Variants in TMEM255A observed in about 807,000 individuals in gnomAD.
TMEM255A encodes the protein transmembrane protein 255A.
TMEM255A carries 14 observed loss-of-function variants against 23.5 expected under a neutral mutation model. The observed-to-expected ratio is 0.60, with a 90% CI of 0.39 to 0.93. The LOEUF is 0.93. Among genes scored for constraint, TMEM255A ranks in the 40% least tolerant of loss-of-function variants. The pLI, the probability that TMEM255A is intolerant of heterozygous loss-of-function variation, is 0.00. For missense variants in TMEM255A, 233 were observed against 261.7 expected (o/e 0.89, Z 0.76); for synonymous variants, 104 against 100.3 (o/e 1.04, Z -0.22).
intron 8 of TMEM255A, among the ~76,000 whole-genome samples, chrX:120,262,787 A>C (rs2057688914): frequency 8.9e-6 from 1 of 111,792 alleles, no homozygotes; most frequent in African/African-American, 3.3e-5. Context: ...CCCACTACAG[A>C]GATGACATGA....
intron 7 of TMEM255A, among the ~76,000 whole-genome samples, chrX:120,275,466 T>G (rs2057790381): frequency 9.0e-6 from 1 of 111,680 alleles, no homozygotes; most frequent in African/African-American, 3.3e-5. Flanking sequence ...TTTCCAACAT[T>G]CATCCTTTTG....
downstream of TMEM255A, chrX:120,253,690 G>A (rs144355341): frequency 5.0e-6 from 6 of 1,210,192 alleles, no homozygotes; most frequent in African/African-American, 1.7e-5. Flanking sequence ...AAAATTGTTC[G>A]TGTTAGATCA....
At chrX:120,274,790 G>A (rs1404352541) in intron 7 of TMEM255A, among the ~76,000 whole-genome samples, 3 of 111,953 alleles carry the variant, frequency 2.7e-5, no homozygotes, top group East Asian at 5.6e-4. Flanking sequence ...ATAAAACATG[G>A]TGGCAGTTTC....
intron 6 of TMEM255A, among the ~76,000 whole-genome samples, chrX:120,277,935 GC>G (rs1556020152): frequency 8.9e-6 from 1 of 111,912 alleles, no homozygotes; most frequent in Non-Finnish European, 1.9e-5. Flanking sequence ...ATGTGTTAAA[GC>G]CCTATCCCCC....
At chrX:120,254,470 A>G (rs782083562), downstream of TMEM255A, 13 of 1,209,918 alleles carry the variant, frequency 1.1e-5, no homozygotes, top group Middle Eastern at 2.3e-4. Context: ...GCCGTCAGTA[A>G]TACATCTTTG....
rs782375563 is a variant in TMEM255A, at chrX:120,260,933, T to A, written c.915A>T (p.Ala305=). The A allele has an allele frequency of 1.3e-5, 15 of 1,197,879 alleles. No homozygotes were observed. The change falls in exon 9 of 9, where the codon GCA becomes GCT. Residue 305 remains alanine, a synonymous_variant. Transcript: ENST00000371369. The part of the protein sequence containing the change: ...PSPSYMWSSS[A]PPRYSPPYYP... The stretch of plus-strand genomic sequence containing the variant: ...AGTAGGGTGGAGAGTAACGGGGCGG[T>A]GCACTTGAGGACCACATGTAGCTGG...
downstream of TMEM255A, chrX:120,253,941 G>T: frequency 8.3e-7 from 1 of 1,205,599 alleles, no homozygotes; most frequent in Non-Finnish European, 1.1e-6. Context: ...ATTATCTGCC[G>T]AAGATTATGA....
intron 7 of TMEM255A, among the ~76,000 whole-genome samples, chrX:120,276,611 G>A (rs1449527565): frequency 8.1e-5 from 9 of 111,565 alleles, no homozygotes; most frequent in African/African-American, 2.9e-4. Context: ...CAGTGCGAAT[G>A]GGGGAACTGA....
At chrX:120,271,183 A>G (rs2057757933) in intron 7 of TMEM255A, among the ~76,000 whole-genome samples, 2 of 112,217 alleles carry the variant, frequency 1.8e-5, no homozygotes, top group African/African-American at 6.5e-5. Context: ...TAATTTTTTA[A>G]TTAAATCAAC....
At chrX:120,278,862 AG>A (rs1569335233) in intron 6 of TMEM255A, among the ~76,000 whole-genome samples, 1 of 112,411 alleles carries the variant, frequency 8.9e-6, no homozygotes, top group Non-Finnish European at 1.9e-5. Flanking sequence ...GTGTGGTTAC[AG>A]GGCAGACTGC....
chrX:120,303,116 T>C (rs1410735839), intron 2 of TMEM255A, among the ~76,000 whole-genome samples: 1 of 111,646 alleles, frequency 9.0e-6, no homozygotes, highest in Non-Finnish European at 1.9e-5. Flanking sequence ...GCAGTGTACG[T>C]AGACTCAAAT....
chrX:120,253,356 A>C, the TMEM255A span: 40 of 1,006,512 alleles, frequency 4.0e-5, no homozygotes, highest in Non-Finnish European at 5.2e-5. Flanking sequence ...ATTCTAAATA[A>C]GTACTTTTGT....
the TMEM255A span, chrX:120,252,810 C>T: frequency 9.0e-6 from 1 of 111,444 alleles, no homozygotes; most frequent in Non-Finnish European, 1.9e-5. Flanking sequence ...ATGAGGCACC[C>T]CAATTTAAAT....
chrX:120,294,344 G>A (rs1258457439), intron 2 of TMEM255A, among the ~76,000 whole-genome samples: 2 of 105,729 alleles, frequency 1.9e-5, no homozygotes, highest in Admixed American at 1.0e-4. Flanking sequence ...TGAGGCAGGA[G>A]AATGGCGTGA....
downstream of TMEM255A, chrX:120,255,614 G>T (rs139977503): frequency 1.2e-3 from 509 of 433,817 alleles, 5 homozygotes; most frequent in East Asian, 0.017. Flanking sequence ...TTTGAGTAGA[G>T]GTGAGACCCC....
chrX:120,252,581 C>T, the TMEM255A span: 1 of 111,791 alleles, frequency 8.9e-6, no homozygotes, highest in African/African-American at 3.3e-5. Flanking sequence ...TCTTTACCAA[C>T]AAAAATAAAA....
intron 1 of TMEM255A, among the ~76,000 whole-genome samples, chrX:120,309,018 A>G (rs1285317805): frequency 1.8e-5 from 2 of 112,518 alleles, no homozygotes; most frequent in Non-Finnish European, 3.8e-5. Flanking sequence ...CTACCTACCC[A>G]CTGTCCTCTT....
chrX:120,258,548 G>A (rs1447957938), downstream of TMEM255A: 3 of 112,670 alleles, frequency 2.7e-5, no homozygotes, highest in East Asian at 8.3e-4. Flanking sequence ...GGTTAAAAAT[G>A]TCCCCTTTTA....
At chrX:120,257,570 T>G (rs2057646885), downstream of TMEM255A, 1 of 123,619 alleles carries the variant, frequency 8.1e-6, no homozygotes, top group African/African-American at 3.2e-5. Flanking sequence ...CTGTAAATTC[T>G]GAATATGACA....
Sources: allele counts gnomAD v4.1 joint callset (sites outside exome capture counted in the v4.1 genomes callset), GRCh38; gene constraint gnomAD v4.1.1; transcripts MANE v1.5; gene names NCBI Gene and HGNC (gene_info 2026-07-23, HGNC 2026-07-21).